The following CAPN8 variants were observed in gnomAD, a reference collection of about 807,000 sequenced individuals.
CAPN8 encodes calpain 8.
In CAPN8, 87 loss-of-function variants were observed where a neutral mutation model predicts 80.9. That is an observed-to-expected ratio of 1.07 (90% CI 0.90 to 1.28). The LOEUF is 1.28. Among genes scored for constraint, CAPN8 ranks in the 50% most tolerant of loss-of-function variants. CAPN8 has a pLI of 0.00. For missense variants in CAPN8, 757 were observed against 702.0 expected, an observed-to-expected ratio of 1.08 and a Z score of -0.89; for synonymous variants, 299 against 273.8, an observed-to-expected ratio of 1.09 and a Z score of -0.91.
intron 9 of CAPN8, chr1:223,617,223 C>T (rs918101562): frequency 6.6e-6 from 1 of 150,920 alleles, no homozygotes; most frequent in Non-Finnish European, 1.5e-5. Flanking sequence ...CTTTTCTTTA[C>T]AGTAGGATTA....
intron 2 of CAPN8, among the ~76,000 whole-genome samples, chr1:223,650,494 C>A (rs1014991801): frequency 3.9e-5 from 6 of 152,152 alleles, no homozygotes; most frequent in Admixed American, 2.0e-4. Flanking sequence ...ATCTGTAAAA[C>A]CAAAGCTGGT....
chr1:223,544,707 G>A lies in CAPN8; in HGVS notation c.1912+65C>T, dbSNP rs994051452. The A allele has an allele frequency of 5.2e-6, 8 of 1,539,860 alleles. No individual in the cohort carries two copies. In the African/African-American group the frequency reaches 6.9e-5, roughly 13 times the overall value. ...GATGATCATTAGCAATCATCATCAT[G>A]AGAATAAATATTTACAATGTGCACA... On this transcript the variant is annotated intron_variant, in intron 18 of 20. Coordinates refer to ENST00000366872, the MANE Select transcript of CAPN8 (RefSeq NM_001143962.2).
At chr1:223,651,243 T>C (rs1000193637) in intron 2 of CAPN8, among the ~76,000 whole-genome samples, 4 of 152,182 alleles carry the variant, frequency 2.6e-5, no homozygotes, top group African/African-American at 9.6e-5. Context: ...CCAGGAGGCC[T>C]GAGCGTTGTG....
chr1:223,613,260 G>A (rs1657080634), intron 10 of CAPN8, among the ~76,000 whole-genome samples: 1 of 152,198 alleles, frequency 6.6e-6, no homozygotes, highest in South Asian at 2.1e-4. Flanking sequence ...AGCCCCCATG[G>A]GTCATTGGCA....
At chr1:223,544,354 A>C in intron 18 of CAPN8, 171 bp from the exon 19 acceptor site, 1 of 602,806 alleles carries the variant, frequency 1.7e-6, no homozygotes, top group South Asian at 2.0e-5. Context: ...CCTGCCATCC[A>C]TCCCTCTCCT....
At chr1:223,617,283 G>GTT (rs1657221696) in intron 9 of CAPN8, 1 of 147,980 alleles carries the variant, frequency 6.8e-6, no homozygotes, top group African/African-American at 2.6e-5. Context: ...TTTTTTTTGG[G>GTT]GGGGGGGGTT....
chr1:223,551,126 T>C, intron 14 of CAPN8, 109 bp from the exon 15 acceptor site: 1 of 643,816 alleles, frequency 1.6e-6, no homozygotes, highest in South Asian at 1.8e-5. Flanking sequence ...CCACTGGCCC[T>C]GTGAGGTTTA....
intron 11 of CAPN8, 71 bp from the exon 12 acceptor site, chr1:223,609,435 T>C (rs1337143391): frequency 5.0e-6 from 2 of 398,340 alleles, no homozygotes; most frequent in Admixed American, 8.8e-5. Flanking sequence ...AGTTCAGCTT[T>C]ATTGTGCTGA....
intron 16 of CAPN8, among the ~76,000 whole-genome samples, chr1:223,548,066 TG>T (rs758605043): frequency 1.1e-4 from 17 of 152,186 alleles, no homozygotes; most frequent in Non-Finnish European, 2.1e-4. Flanking sequence ...ACACATGCTC[TG>T]TCATCCAGGA....
chr1:223,626,082 G>T (rs1041925697), intron 5 of CAPN8, among the ~76,000 whole-genome samples, 194 bp from the exon 6 acceptor site: 26 of 152,032 alleles, frequency 1.7e-4, no homozygotes, highest in Non-Finnish European at 8.8e-5. Flanking sequence ...TGTAGTTCCG[G>T]GCCAGTGCAG....
chr1:223,544,803 G>A lies in CAPN8; in HGVS notation c.1881C>T (p.Ala627=), dbSNP rs1656574564. 6.4e-7 allele frequency: 1 copy of A among 1,551,510 alleles called. No homozygotes were observed. Among genetic ancestry groups the A allele is most frequent in the African/African-American group, 1.4e-5 (1 of 73,004 alleles). Residue 627 remains alanine (A), a synonymous_variant, in exon 18 of 21, where the codon GCC becomes GCT. Coordinates refer to ENST00000366872, the MANE Select transcript of CAPN8 (RefSeq NM_001143962.2). The part of the protein sequence containing the change: ...TDYNHSGTID[A]HEMRTALRKA... Reference sequence around the variant, plus strand: ...TCCTGAGGGCTGTCCTCATCTCGTGGGCATCGATGGTGCCCGAGTGGTTAT... The same window carrying A: ...TCCTGAGGGCTGTCCTCATCTCGTGAGCATCGATGGTGCCCGAGTGGTTAT...
At chr1:223,541,970 A>G in intron 20 of CAPN8, 111 bp from the exon 21 acceptor site, 1 of 1,503,192 alleles carries the variant, frequency 6.7e-7, no homozygotes, top group Non-Finnish European at 9.1e-7. Context: ...TCCATTCTCC[A>G]GTAAGTGCCT....
At chr1:223,615,661 G>T (rs1657148879) in intron 10 of CAPN8, 1 of 485,482 alleles carries the variant, frequency 2.1e-6, no homozygotes, top group Admixed American at 2.3e-5. Context: ...CTTGGCTCTT[G>T]TCCCTGGGGA....
intron 2 of CAPN8, among the ~76,000 whole-genome samples, chr1:223,633,147 ATT>A: frequency 6.6e-6 from 1 of 152,180 alleles, no homozygotes; most frequent in East Asian, 1.9e-4. Context: ...CTTGCCCCCT[ATT>A]TATGCTTCTT....
intron 6 of CAPN8, among the ~76,000 whole-genome samples, chr1:223,623,838 A>C (rs1252206411): frequency 6.6e-6 from 1 of 152,098 alleles, no homozygotes; most frequent in Non-Finnish European, 1.5e-5. Flanking sequence ...TACTAAAAAT[A>C]CAAAAAAAAT....
intron 6 of CAPN8, among the ~76,000 whole-genome samples, chr1:223,623,721 C>T (rs1365762766): frequency 2.0e-5 from 3 of 152,166 alleles, no homozygotes; most frequent in Non-Finnish European, 2.9e-5. Context: ...TTGGGCCAGG[C>T]GCAGTGGCTC....
chr1:223,622,962 G>C (rs1350839958), intron 6 of CAPN8, 62 bp from the exon 7 acceptor site: 1 of 1,299,682 alleles, frequency 7.7e-7, no homozygotes, highest in Admixed American at 2.0e-5. Flanking sequence ...TTGCAGGCAT[G>C]TCTGCACCTG....
chr1:223,550,779 C>G (rs368722561), intron 15 of CAPN8, among the ~76,000 whole-genome samples, 181 bp downstream of exon 15: 1 of 152,102 alleles, frequency 6.6e-6, no homozygotes. Context: ...CTCGCCTCCC[C>G]GTCTTCTGCC....
intron 1 of CAPN8, among the ~76,000 whole-genome samples, chr1:223,663,139 C>A (rs1298715419): frequency 6.6e-6 from 1 of 152,216 alleles, no homozygotes; most frequent in Non-Finnish European, 1.5e-5. Context: ...TTACTTCCTC[C>A]TTTGACAGCC....
Sources: gnomAD v4.1 joint callset for allele counts (sites outside exome capture counted in the v4.1 genomes callset) on GRCh38, gnomAD v4.1.1 for gene constraint, MANE v1.5 for transcripts, NCBI Gene and HGNC (gene_info 2026-07-23, HGNC 2026-07-21) for gene names.